PKHD1: variants seen among roughly 807,000 people sequenced by gnomAD.
The protein encoded by PKHD1 is fibrocystin.
Under a neutral mutation model 412.0 loss-of-function variants are expected in PKHD1, and 291 were observed. The ratio of observed to expected loss-of-function variants is 0.71; its 90% CI spans 0.64 to 0.78. The LOEUF (loss-of-function observed/expected upper bound fraction) is 0.78, where lower values mean the gene tolerates loss of function less well. Among genes scored for constraint, PKHD1 ranks in the 30% least tolerant of loss-of-function variants. The probability of loss-of-function intolerance (pLI) is 0.00; values close to 1 mark genes in which losing one functional copy is unlikely to be tolerated. For synonymous variants in PKHD1, 1,777 were observed against 1,821.5 expected (o/e 0.98, Z 0.62); for missense variants, 4,825 against 4,950.7 (o/e 0.97, Z 0.76).
chr6:51,853,125 T>A (rs544210316), intron 49 of PKHD1, among the ~76,000 whole-genome samples: 125 of 152,324 alleles, frequency 8.2e-4, no homozygotes, highest in Non-Finnish European at 1.5e-3. Flanking sequence ...CCCTCAGGAT[T>A]TGCTTATCTG....
chr6:52,055,665 G>A lies in PKHD1; in HGVS notation c.1758C>T (p.Phe586=), dbSNP rs777015620. 3 of 1,613,526 alleles carry A rather than the reference G, an allele frequency of 1.9e-6. No individual in the cohort carries two copies. The highest frequency in any genetic ancestry group is 2.5e-6 in the Non-Finnish European group (3 of 1,179,768). The change falls in exon 19 of 67, where the codon TTC becomes TTT. Residue 586 remains phenylalanine (F), a synonymous_variant. Transcript: ENST00000371117. The stretch of plus-strand genomic sequence containing the variant: ...CAAGGTGTCGAGGCTGACGGAGGCT[G>A]AACCTGCCACAGAAGGGCTCCGTCC... ...TSGTEPFCGR[F]SLRQPRHLVL...
At chr6:51,807,394 T>G (rs1763929381) in intron 52 of PKHD1, among the ~76,000 whole-genome samples, 1 of 139,942 alleles carries the variant, frequency 7.1e-6, no homozygotes, top group Non-Finnish European at 1.5e-5. Flanking sequence ...GCCGAAATCA[T>G]GCCACTACAC....
intron 53 of PKHD1, among the ~76,000 whole-genome samples, chr6:51,786,028 TTAAC>T (rs1389493869): frequency 6.6e-6 from 1 of 152,184 alleles, no homozygotes; most frequent in Non-Finnish European, 1.5e-5. Context: ...TTAATAAACA[TTAAC>T]TAATTTACTT....
At chr6:51,735,673 T>C (rs1377385339) in intron 60 of PKHD1, among the ~76,000 whole-genome samples, 3 of 152,042 alleles carry the variant, frequency 2.0e-5, no homozygotes, top group Admixed American at 1.3e-4. Context: ...TGCCCATAAT[T>C]GCAGCACTTT....
At chr6:51,789,027 AT>A (rs1793328186) in intron 53 of PKHD1, among the ~76,000 whole-genome samples, 1 of 152,182 alleles carries the variant, frequency 6.6e-6, no homozygotes, top group Admixed American at 6.5e-5. Flanking sequence ...GTTAACTGCT[AT>A]ACTCATCTCA....
chr6:52,012,267 C>A (rs1799921788), intron 34 of PKHD1, among the ~76,000 whole-genome samples: 2 of 152,178 alleles, frequency 1.3e-5, no homozygotes, highest in Admixed American at 6.6e-5. Context: ...TAGCATGGAA[C>A]CTGGCACACA....
At chr6:51,943,714 T>G (rs897833407) in intron 36 of PKHD1, among the ~76,000 whole-genome samples, 4 of 151,710 alleles carry the variant, frequency 2.6e-5, no homozygotes, top group African/African-American at 9.6e-5. Context: ...CTTTTTTCAA[T>G]TCATACAAAA....
At chr6:51,729,010 A>T (rs967221371) in intron 60 of PKHD1, among the ~76,000 whole-genome samples, 9 of 152,344 alleles carry the variant, frequency 5.9e-5, no homozygotes, top group African/African-American at 1.9e-4. Flanking sequence ...ACGTGTTCAA[A>T]CAGAAAGACA....
At chr6:52,017,243 A>C (rs1411498595) in intron 34 of PKHD1, among the ~76,000 whole-genome samples, 167 bp downstream of exon 34, 1 of 152,220 alleles carries the variant, frequency 6.6e-6, no homozygotes, top group African/African-American at 2.4e-5. Flanking sequence ...AGATGCTTTG[A>C]TATGCAGGCT....
intron 55 of PKHD1, among the ~76,000 whole-genome samples, chr6:51,760,385 G>A (rs1787793987): frequency 6.6e-6 from 1 of 151,990 alleles, no homozygotes; most frequent in African/African-American, 2.4e-5. Flanking sequence ...TGGAGGAACA[G>A]GACACACAAA....
chr6:52,086,233 C>A (rs1169092393), intron 1 of PKHD1, among the ~76,000 whole-genome samples: 1 of 151,262 alleles, frequency 6.6e-6, no homozygotes, highest in Non-Finnish European at 1.5e-5. Flanking sequence ...GCCTCAGCCT[C>A]CTGAGTAGCT....
chr6:51,889,347 C>A (rs1778744661), intron 43 of PKHD1, among the ~76,000 whole-genome samples: 3 of 152,194 alleles, frequency 2.0e-5, no homozygotes. Context: ...TACTTCAGTG[C>A]AGCCCTCTAT....
intron 60 of PKHD1, among the ~76,000 whole-genome samples, chr6:51,730,776 T>C (rs1783145713): frequency 6.6e-6 from 1 of 152,236 alleles, no homozygotes; most frequent in Non-Finnish European, 1.5e-5. Context: ...TTGGAGGGAC[T>C]GCTCAAGTAT....
chr6:52,001,265 T>C, intron 35 of PKHD1, among the ~76,000 whole-genome samples: 1 of 152,262 alleles, frequency 6.6e-6, no homozygotes, highest in South Asian at 2.1e-4. Context: ...TTTACATTGA[T>C]TAATAATAAT....
chr6:51,880,897 C>A (rs1164184539), intron 46 of PKHD1, among the ~76,000 whole-genome samples: 1 of 146,932 alleles, frequency 6.8e-6, no homozygotes, highest in Admixed American at 6.8e-5. Context: ...ACCCGGGAGG[C>A]GGAGCTTGCA....
rs13340408 is a variant in PKHD1, at chr6:51,799,997, A to G, written c.8303-8624T>C. On this transcript the variant is annotated intron_variant, in intron 52 of 66. Coordinates refer to ENST00000371117, the MANE Select transcript of PKHD1 (RefSeq NM_138694.4). ...ATCTATCCTACTTGAGAGAATCAGCACTGGCATATGGAGGGAACCATCTGG... is the reference window on the plus strand; with the variant it reads ...ATCTATCCTACTTGAGAGAATCAGCGCTGGCATATGGAGGGAACCATCTGG... Among the ~76,000 whole-genome samples the G allele has an allele frequency of 4.0e-3, 613 of 152,258 alleles. 4 individuals carry two copies. Among genetic ancestry groups the G allele is most frequent in the African/African-American group, 0.014 (573 of 41,552 alleles).
In PKHD1 at chr6:52,028,207, C is replaced by T. The variant is rs1194288194; in HGVS notation, c.3509G>A (p.Gly1170Asp). ...GATAGAGACGGAAATTCTGTGGAGA[C>T]CAGCTGGCAGTGGGGGCAGTGCCAC... ...LEVALPPLPA[G>D]LHRISVSING... Residue 1170 changes from glycine to aspartate, a missense_variant, in exon 30 of 67, where the codon GGT (glycine) becomes GAT (aspartate). Physicochemically the swap from Gly to Asp is moderately conservative, Grantham distance 94. Coordinates refer to ENST00000371117, the MANE Select transcript of PKHD1 (RefSeq NM_138694.4). 1 of 1,614,204 alleles carries T rather than the reference C, an allele frequency of 6.2e-7. No homozygotes were observed. Among genetic ancestry groups the T allele is most frequent in the Admixed American group, 1.7e-5 (1 of 60,036 alleles).
chr6:51,755,027 T>G (rs1449380380), intron 55 of PKHD1, 89 bp from the exon 56 acceptor site: 1 of 1,078,676 alleles, frequency 9.3e-7, no homozygotes, highest in Non-Finnish European at 1.4e-6. Context: ...AAATCCACTG[T>G]GACCAACATA....
intron 41 of PKHD1, 91 bp downstream of exon 41, chr6:51,906,124 A>G (rs181246001): frequency 2.0e-5 from 21 of 1,071,104 alleles, no homozygotes; most frequent in Admixed American, 5.1e-5. Context: ...ATATTTTTAT[A>G]AATTAGGAAT....
Sources: allele counts gnomAD v4.1 joint callset (sites outside exome capture counted in the v4.1 genomes callset), GRCh38; gene constraint gnomAD v4.1.1; transcripts MANE v1.5; gene names NCBI Gene and HGNC (gene_info 2026-07-23, HGNC 2026-07-21).